The following SAMD9 variants were observed in gnomAD, a reference collection of about 807,000 sequenced individuals.
The protein encoded by SAMD9 is sterile alpha motif domain containing 9.
In SAMD9, 3 loss-of-function variants were observed where a neutral mutation model predicts 1.5. That is an observed-to-expected ratio of 2.05 (90% CI 0.93 to 5.29). The LOEUF (loss-of-function observed/expected upper bound fraction) is 5.29, where lower values mean the gene tolerates loss of function less well. SAMD9 is among the 30% of genes most tolerant of loss of function. The probability of loss-of-function intolerance (pLI) is 0.02; values close to 1 mark genes in which losing one functional copy is unlikely to be tolerated. For missense variants in SAMD9, 1,597 were observed against 1,820.8 expected (o/e 0.88, Z 2.24); for synonymous variants, 635 against 631.9 (o/e 1.00, Z -0.07).
chr7:93,103,124 A>G lies in SAMD9; in HGVS notation c.2974T>C (p.Ser992Pro), dbSNP rs1791566052. The G allele has an allele frequency of 6.2e-7, 1 of 1,613,794 alleles. No homozygotes were observed. Among genetic ancestry groups the G allele is most frequent in the Non-Finnish European group, 8.5e-7 (1 of 1,179,722 alleles). Residue 992 changes from serine (S) to proline (P), a missense_variant, in exon 3 of 3, where the codon TCA (serine) becomes CCA (proline). Transcript: ENST00000379958. ...RIIHSLIAEFSLEELKKSYHL... is the reference protein window; with the variant it reads ...RIIHSLIAEFPLEELKKSYHL... ...TAGCTTTTCTTCAATTCTTCCAGTG[A>G]GAACTCTGCAATCAAAGAGTGAATG...
intron 2 of SAMD9, among the ~76,000 whole-genome samples, chr7:93,113,307 G>A (rs547728212): frequency 1.1e-3 from 172 of 152,294 alleles, no homozygotes; most frequent in African/African-American, 3.9e-3. Flanking sequence ...ATTAATTCAA[G>A]ATGGATTAAA....
intron 1 of SAMD9, among the ~76,000 whole-genome samples, chr7:93,117,126 A>G (rs1301549822): frequency 1.3e-5 from 2 of 152,228 alleles, no homozygotes; most frequent in Non-Finnish European, 2.9e-5. Context: ...TCCGACAACA[A>G]TATCTGAGAA....
rs1332473129 is a variant in SAMD9, at chr7:93,099,640, G to A, written c.*1688C>T. On this transcript the variant is annotated 3_prime_UTR_variant, in exon 3 of 3. Coordinates refer to ENST00000379958, the MANE Select transcript of SAMD9 (RefSeq NM_017654.4). The stretch of plus-strand genomic sequence containing the variant: ...TCCTCCAGTGAAAAAATTCTAATGA[G>A]ATTTTGAAGACAGAAACAAATCACA... 4 of 152,194 alleles carry A rather than the reference G, an allele frequency of 2.6e-5. No individual in the cohort carries two copies. The highest frequency in any genetic ancestry group is 7.2e-5 in the African/African-American group (3 of 41,458). The allele number at this position is 152,194 out of a possible 1,614,324, so 9.4% of individuals were successfully genotyped here. A position where few individuals can be genotyped will look rare whatever the true frequency, so the allele number is the denominator to read the frequency against.
In SAMD9 at chr7:93,102,700, C is replaced by T. The variant is rs1270334861; in HGVS notation, c.3398G>A (p.Trp1133Ter). ...GTTTCCTCCGTTTTCCTCTATCCACCATCTTATTTTACTTTTGTAGACTTG... is the reference window on the plus strand; with the variant it reads ...GTTTCCTCCGTTTTCCTCTATCCACTATCTTATTTTACTTTTGTAGACTTG... ...LGQVYKSKIR[W>*]WIEENGGNGN... The change falls in exon 3 of 3, where the codon TGG becomes TAG. Residue 1133 changes from tryptophan to a stop codon, truncating the protein, a stop_gained. Transcript: ENST00000379958. LOFTEE classifies it low-confidence loss of function (END_TRUNC). 6.2e-7 allele frequency: 1 copy of T among 1,613,716 alleles called. No individual in the cohort carries two copies. The highest frequency in any genetic ancestry group is 8.5e-7 in the Non-Finnish European group (1 of 1,179,798).
At chr7:93,117,573 C>T (rs1791852375) in intron 1 of SAMD9, among the ~76,000 whole-genome samples, 1 of 152,154 alleles carries the variant, frequency 6.6e-6, no homozygotes, top group Admixed American at 6.5e-5. Context: ...GCTACCACAC[C>T]TGGCCTGTTT....
chr7:93,102,015 A>G lies in SAMD9; in HGVS notation c.4083T>C (p.Thr1361=), dbSNP rs1263514901. 1 of 1,613,414 alleles carries G rather than the reference A, an allele frequency of 6.2e-7. No individual in the cohort carries two copies. The highest frequency in any genetic ancestry group is 8.5e-7 in the Non-Finnish European group (1 of 1,179,696). ...TATATTCGTTCACTATACATTTCAT[A>G]GTGCTTATAGCATCCTCTTGACTTT... ...LIKSQEDAIS[T]MKCIVNEYTF... The change falls in exon 3 of 3, where the codon ACT becomes ACC. Residue 1361 remains threonine (T), a synonymous_variant. Coordinates refer to ENST00000379958, the MANE Select transcript of SAMD9 (RefSeq NM_017654.4).
intron 2 of SAMD9, 128 bp from the exon 3 acceptor site, chr7:93,106,233 C>G (rs1376102306): frequency 1.9e-6 from 1 of 539,806 alleles, no homozygotes; most frequent in Non-Finnish European, 3.0e-6. Context: ...TGAATTATCT[C>G]TTGAGAGAAT....
At chr7:93,111,176 G>A (rs1293325669) in intron 2 of SAMD9, among the ~76,000 whole-genome samples, 1 of 152,092 alleles carries the variant, frequency 6.6e-6, no homozygotes, top group Non-Finnish European at 1.5e-5. Flanking sequence ...TCAACTACAT[G>A]GAAACTGAAC....
At position 93,103,216 on chromosome 7, in the gene SAMD9, C is replaced by A; in HGVS notation, c.2882G>T (p.Gly961Val). 1 of 1,613,718 alleles carries A rather than the reference C, an allele frequency of 6.2e-7. No homozygotes were observed. Among genetic ancestry groups the A allele is most frequent in the East Asian group, 2.2e-5 (1 of 44,866 alleles). The change falls in exon 3 of 3, where the codon GGC (glycine) becomes GTC (valine). Residue 961 changes from glycine to valine, a missense_variant. Coordinates refer to ENST00000379958, the MANE Select transcript of SAMD9 (RefSeq NM_017654.4). ...TTTTATCAGAATTGTAGAGTAGGTG[C>A]CCATCTTGTCTTCAAATTTTTCTGT... is the stretch of plus-strand genomic sequence containing the variant. ...WGTEKFEDKM[G>V]TYSTILIKTE...
intron 1 of SAMD9, among the ~76,000 whole-genome samples, chr7:93,116,232 A>T (rs994559942): frequency 5.3e-5 from 8 of 152,212 alleles, no homozygotes; most frequent in Admixed American, 3.3e-4. Context: ...CATAAACTAG[A>T]TTATGAGACT....
chr7:93,102,747 A>C lies in SAMD9; in HGVS notation c.3351T>G (p.Ser1117=), dbSNP rs1208857125. Residue 1117 remains serine (S), a synonymous_variant, in exon 3 of 3, where the codon TCT becomes TCG. Coordinates refer to ENST00000379958, the MANE Select transcript of SAMD9 (RefSeq NM_017654.4). ...CTTGACCCAGTGTATCTGAGATATA[A>C]GAATTGTCAGGTTCTATGATTTTTG... ...KQAKIIEPDN[S]YISDTLGQVY... The C allele has an allele frequency of 6.2e-7, 1 of 1,613,858 alleles. No individual in the cohort carries two copies. Among genetic ancestry groups the C allele is most frequent in the Admixed American group, 1.7e-5 (1 of 60,002 alleles).
At chr7:93,115,842 T>A (rs748669997) in intron 1 of SAMD9, among the ~76,000 whole-genome samples, 1 of 152,222 alleles carries the variant, frequency 6.6e-6, no homozygotes, top group Non-Finnish European at 1.5e-5. Flanking sequence ...AGTCTCAGAT[T>A]ATGAACTTTT....
chr7:93,111,022 C>T (rs1351592266), intron 2 of SAMD9, among the ~76,000 whole-genome samples: 3 of 152,178 alleles, frequency 2.0e-5, no homozygotes, highest in Non-Finnish European at 4.4e-5. Flanking sequence ...AGCACCACAT[C>T]GCACTTATTT....
At chr7:93,116,248 A>G (rs963462147) in intron 1 of SAMD9, among the ~76,000 whole-genome samples, 4 of 152,224 alleles carry the variant, frequency 2.6e-5, no homozygotes, top group Admixed American at 2.6e-4. Context: ...AGACTGGTGA[A>G]TTAGATGGAT....
Position 93,101,279 on chromosome 7 carries a change from A to C in SAMD9, c.*49T>G, listed in dbSNP as rs1791521879. ...AAAGCATAGATCTTGAGTCCAAAAA[A>C]ATTAAATGGGTACTGAGATCAAATT... is the stretch of plus-strand genomic sequence containing the variant. On this transcript the variant is annotated 3_prime_UTR_variant, in exon 3 of 3. Transcript: ENST00000379958. The C allele has an allele frequency of 6.6e-7, 1 of 1,520,078 alleles. No individual in the cohort carries two copies. Among genetic ancestry groups the C allele is most frequent in the Non-Finnish European group, 9.1e-7 (1 of 1,103,508 alleles). The allele number at this position is 1,520,078 out of a possible 1,614,324, so 94.2% of individuals were successfully genotyped here.
At position 93,105,882 on chromosome 7, in the gene SAMD9, T is replaced by C. The variant is rs199597506; in HGVS notation, c.216A>G (p.Lys72=). The C allele has an allele frequency of 3.9e-5, 63 of 1,614,162 alleles. 1 individual carries two copies. In the East Asian group the frequency reaches 7.4e-4, roughly 19 times the overall value. Residue 72 remains lysine (K), a synonymous_variant, in exon 3 of 3, where the codon AAA becomes AAG. Coordinates refer to ENST00000379958, the MANE Select transcript of SAMD9 (RefSeq NM_017654.4). ...GPAIQIEELF[K]ELRKTAIEDS... ...CTTCAATGGCTGTTTTCCGCAATTC[T>C]TTGAATAGTTCTTCTATTTGAATAG...
At chr7:93,112,538 A>G (rs1791763238) in intron 2 of SAMD9, among the ~76,000 whole-genome samples, 1 of 152,204 alleles carries the variant, frequency 6.6e-6, no homozygotes, top group Non-Finnish European at 1.5e-5. Context: ...AGATGACATG[A>G]TTGTATGTTT....
At chr7:93,114,000 GTA>G (rs774977959) in intron 2 of SAMD9, among the ~76,000 whole-genome samples, 1 of 152,070 alleles carries the variant, frequency 6.6e-6, no homozygotes, top group Non-Finnish European at 1.5e-5. Context: ...ACATGCACAC[GTA>G]TGTTTATTGC....
rs922338394 is a variant in SAMD9, at chr7:93,101,085, A to T, written c.*243T>A. ...AGTCATAGCTCCTTATTATTTTGTC[A>T]TCAATGATGTTAACCAAACCAAGGA... is the stretch of plus-strand genomic sequence containing the variant. On this transcript the variant is annotated 3_prime_UTR_variant, in exon 3 of 3. Coordinates refer to ENST00000379958, the MANE Select transcript of SAMD9 (RefSeq NM_017654.4). 9.6e-6 allele frequency: 5 copies of T among 520,334 alleles called. No individual in the cohort carries two copies. Among genetic ancestry groups the T allele is most frequent in the African/African-American group, 9.6e-5 (5 of 52,202 alleles). 32.2% of individuals were successfully genotyped at this position (520,334 alleles called of 1,614,324 possible).
Sources: allele counts gnomAD v4.1 joint callset (sites outside exome capture counted in the v4.1 genomes callset), GRCh38; gene constraint gnomAD v4.1.1; transcripts MANE v1.5; gene names NCBI Gene and HGNC (gene_info 2026-07-23, HGNC 2026-07-21).